The following MAP1LC3B variants were observed in gnomAD, a reference collection of about 807,000 sequenced individuals.
MAP1LC3B encodes microtubule-associated protein 1 light chain 3 beta.
In MAP1LC3B, 12 loss-of-function variants were observed where a neutral mutation model predicts 16.7. That is an observed-to-expected ratio of 0.72 (90% CI 0.46 to 1.16). The LOEUF is 1.16. Ranked by LOEUF, MAP1LC3B falls within the 50% of genes most tolerant of loss-of-function variation. The pLI is 0.00. For missense variants in MAP1LC3B, 155 were observed against 159.5 expected (o/e 0.97, Z 0.15); for synonymous variants, 63 against 56.5 (o/e 1.11, Z -0.51).
chr16:87,398,488 A>G (rs780427866), intron 1 of MAP1LC3B, among the ~76,000 whole-genome samples: 10 of 152,226 alleles, frequency 6.6e-5, no homozygotes, highest in African/African-American at 2.4e-4. Context: ...CTTTGGAGGA[A>G]GGACTGGGTC....
intron 3 of MAP1LC3B, 115 bp from the exon 4 acceptor site, chr16:87,402,808 A>T: frequency 8.0e-7 from 1 of 1,244,450 alleles, no homozygotes; most frequent in African/African-American, 1.5e-5. Flanking sequence ...TATTGGATTC[A>T]AGAGCATTTA....
intron 1 of MAP1LC3B, 184 bp downstream of exon 1, chr16:87,392,651 C>T: frequency 2.7e-6 from 1 of 370,618 alleles, no homozygotes; most frequent in Non-Finnish European, 4.0e-6. Flanking sequence ...CAGGCCGGGA[C>T]CGAGCCGGGA....
At chr16:87,396,163 A>T (rs1907795237) in intron 1 of MAP1LC3B, among the ~76,000 whole-genome samples, 1 of 151,394 alleles carries the variant, frequency 6.6e-6, no homozygotes. Context: ...ACCCAGCCAA[A>T]CCTAGTTTCC....
At chr16:87,395,476 G>T (rs1273815986) in intron 1 of MAP1LC3B, among the ~76,000 whole-genome samples, 1 of 152,154 alleles carries the variant, frequency 6.6e-6, no homozygotes, top group Non-Finnish European at 1.5e-5. Flanking sequence ...TAAAAGACTT[G>T]CCCTCCTTCT....
Position 87,402,256 on chromosome 16 carries a change from A to C in MAP1LC3B, c.178A>C (p.Met60Leu). Residue 60 changes from methionine (M) to leucine (L), a missense_variant, in exon 3 of 4, where the codon ATG becomes CTG. Physicochemically the swap from Met to Leu is conservative, Grantham distance 15. Transcript: ENST00000268607. ...GTTCCTTGTACCTGACCATGTCAAC[A>C]TGAGTGAGCTCATCAAGATAATTAG... The part of the protein sequence containing the change: ...TKFLVPDHVN[M>L]SELIKIIRRR... The C allele has an allele frequency of 3.7e-6, 6 of 1,614,136 alleles. No homozygotes were observed. The highest frequency in any genetic ancestry group is 5.1e-6 in the Non-Finnish European group (6 of 1,180,006).
rs1908074001 is a variant in MAP1LC3B at position 87,403,623 on chromosome 16, G to C, written c.*526G>C. The C allele has an allele frequency of 6.5e-6, 1 of 153,038 alleles. No homozygotes were observed. The highest frequency in any genetic ancestry group is 1.5e-5 in the Non-Finnish European group (1 of 68,622). 9.5% of individuals were successfully genotyped at this position (153,038 alleles called of 1,614,324 possible). ...GCCATCACAGTTGGCACAAACGCAG[G>C]GTAAACGGGCTGTGTGAGAAAACGG... On this transcript the variant is annotated 3_prime_UTR_variant, in exon 4 of 4. Transcript: ENST00000268607.
intron 1 of MAP1LC3B, chr16:87,396,817 C>CATT (rs1227352073): frequency 6.6e-6 from 1 of 152,044 alleles, no homozygotes; most frequent in African/African-American, 2.4e-5. Flanking sequence ...CGAAATTTGT[C>CATT]ATTATTATTT....
intron 1 of MAP1LC3B, among the ~76,000 whole-genome samples, chr16:87,396,447 C>A (rs1907809341): frequency 1.3e-5 from 2 of 151,420 alleles, no homozygotes; most frequent in Admixed American, 1.3e-4. Flanking sequence ...TGCACTCCAG[C>A]CTGAGTGACA....
intron 2 of MAP1LC3B, chr16:87,399,687 G>A (rs756715645): frequency 1.1e-4 from 48 of 423,592 alleles, no homozygotes; most frequent in Middle Eastern, 3.4e-4. Context: ...CTGTGGTCAG[G>A]TATTATAACA....
chr16:87,392,641 C>A, intron 1 of MAP1LC3B, 174 bp downstream of exon 1: 1 of 456,722 alleles, frequency 2.2e-6, no homozygotes, highest in Non-Finnish European at 3.1e-6. Context: ...GTGAGGGACC[C>A]AGGCCGGGAC....
chr16:87,401,593 C>T (rs868364281), intron 2 of MAP1LC3B, among the ~76,000 whole-genome samples: 5 of 152,286 alleles, frequency 3.3e-5, no homozygotes, highest in South Asian at 2.1e-4. Context: ...AGTGCAGTGG[C>T]GCAACCTCAG....
rs1468710555 is a variant in MAP1LC3B at position 87,403,311 on chromosome 16, T to TGTA, written c.*216_*218dup. ...CAGCTTTGGAAACTATATTATTTAATGTAGGCTAGCTTGTTTTCAAATTTT... is the reference window on the plus strand; with the variant it reads ...CAGCTTTGGAAACTATATTATTTAATGTAGTAGGCTAGCTTGTTTTCAAATTTT... On this transcript the variant is annotated 3_prime_UTR_variant, in exon 4 of 4. Transcript: ENST00000268607. The TGTA allele has an allele frequency of 2.2e-6, 1 of 448,376 alleles. No individual in the cohort carries two copies. Among genetic ancestry groups the TGTA allele is most frequent in the East Asian group, 3.6e-5 (1 of 27,584 alleles). 27.8% of individuals were successfully genotyped at this position (448,376 alleles called of 1,614,324 possible). A position where few individuals can be genotyped will look rare whatever the true frequency, so the allele number is the denominator to read the frequency against.
At chr16:87,402,855 ATT>A (rs2150713998) in intron 3 of MAP1LC3B, 66 bp from the exon 4 acceptor site, 1 of 1,583,078 alleles carries the variant, frequency 6.3e-7, no homozygotes, top group African/African-American at 1.3e-5. Context: ...AGTGGGTGAT[ATT>A]TTAACACATG....
chr16:87,398,148 G>C (rs759358855), intron 1 of MAP1LC3B, among the ~76,000 whole-genome samples: 1 of 151,696 alleles, frequency 6.6e-6, no homozygotes, highest in African/African-American at 2.4e-5. Context: ...TCAGCCTCCC[G>C]AGTAGCTGGG....
At chr16:87,401,439 A>G (rs978742938) in intron 2 of MAP1LC3B, among the ~76,000 whole-genome samples, 2 of 152,242 alleles carry the variant, frequency 1.3e-5, no homozygotes, top group Non-Finnish European at 2.9e-5. Flanking sequence ...CAGGAGAGCT[A>G]TGAGGAAACT....
intron 3 of MAP1LC3B, 21 bp from the exon 4 acceptor site, chr16:87,402,902 C>G (rs756778651): frequency 7.4e-6 from 12 of 1,613,236 alleles, no homozygotes; most frequent in Admixed American, 3.3e-5. Flanking sequence ...AATATTTCTT[C>G]ACGTTGTTTT....
At chr16:87,399,400 T>A in intron 2 of MAP1LC3B, 1 of 301,898 alleles carries the variant, frequency 3.3e-6, no homozygotes. Flanking sequence ...TCCTTGTGGA[T>A]ATCACACTTC....
rs1907607782 is a variant in MAP1LC3B, at chr16:87,392,381, C to T, written c.-47C>T. 2.1e-6 allele frequency: 3 copies of T among 1,403,608 alleles called. No homozygotes were observed. The highest frequency in any genetic ancestry group is 2.8e-6 in the Non-Finnish European group (3 of 1,087,212). The allele number at this position is 1,403,608 out of a possible 1,614,324, so 86.9% of individuals were successfully genotyped here. A position where few individuals can be genotyped will look rare whatever the true frequency, so the allele number is the denominator to read the frequency against. ...AGCAGCCGCCGCCCCCGGGAGCCGC[C>T]GGGACCCTCGCGTCGTCGCCGCCGC... On this transcript the variant is annotated 5_prime_UTR_variant, in exon 1 of 4. Transcript: ENST00000268607.
At position 87,402,908 on chromosome 16, in the gene MAP1LC3B, G is replaced by T; in HGVS notation, c.204-15G>T. On this transcript the variant is annotated splice_polypyrimidine_tract_variant and intron_variant, in intron 3 of 3. Coordinates refer to ENST00000268607, the MANE Select transcript of MAP1LC3B (RefSeq NM_022818.5). The stretch of plus-strand genomic sequence containing the variant: ...ATTGTTGTCAATATTTCTTCACGTT[G>T]TTTTCTTTCAATAGAAGGCGCTTAC... The T allele has an allele frequency of 6.2e-7, 1 of 1,613,626 alleles. No homozygotes were observed. Among genetic ancestry groups the T allele is most frequent in the Non-Finnish European group, 8.5e-7 (1 of 1,179,738 alleles).
Sources: allele counts gnomAD v4.1 joint callset (sites outside exome capture counted in the v4.1 genomes callset), GRCh38; gene constraint gnomAD v4.1.1; transcripts MANE v1.5; gene names NCBI Gene and HGNC (gene_info 2026-07-23, HGNC 2026-07-21).